The following SUSD5 variants were observed in gnomAD, a reference collection of about 807,000 sequenced individuals.
SUSD5 encodes sushi domain containing 5.
In SUSD5, 33 loss-of-function variants were observed where a neutral mutation model predicts 29.5. The observed-to-expected ratio is 1.12, with a 90% CI of 0.85 to 1.49. SUSD5 has a LOEUF of 1.49. Ranked by LOEUF, SUSD5 falls within the 40% of genes most tolerant of loss-of-function variation. The probability of loss-of-function intolerance (pLI) is 0.00; values close to 1 mark genes in which losing one functional copy is unlikely to be tolerated. For synonymous variants in SUSD5, 308 were observed against 325.3 expected, an observed-to-expected ratio of 0.95 and a Z score of 0.57; for missense variants, 776 against 800.6, an observed-to-expected ratio of 0.97 and a Z score of 0.37.
Position 33,152,943 on chromosome 3 carries a change from C to T in SUSD5, c.1689G>A (p.Val563=), listed in dbSNP as rs752750298. The T allele has an allele frequency of 6.2e-7, 1 of 1,614,010 alleles. No homozygotes were observed. The highest frequency in any genetic ancestry group is 8.5e-7 in the Non-Finnish European group (1 of 1,179,878). Residue 563 remains valine, a synonymous_variant, in exon 5 of 5, where the codon GTG becomes GTA. Coordinates refer to ENST00000309558, the MANE Select transcript of SUSD5 (RefSeq NM_015551.2). ...TGCTGAGGCCAGGACATCCGTCCCCCACACACGACTCCAAGGTGGGATGAA... is the reference window on the plus strand; with the variant it reads ...TGCTGAGGCCAGGACATCCGTCCCCTACACACGACTCCAAGGTGGGATGAA... ...EELHPTLESC[V]GDGCPGLSRG...
chr3:33,214,906 C>T (rs544109627), intron 1 of SUSD5, among the ~76,000 whole-genome samples: 1 of 152,164 alleles, frequency 6.6e-6, no homozygotes, highest in South Asian at 2.1e-4. Context: ...GGAGAAAACA[C>T]CTACTTAGAA....
In SUSD5 at chr3:33,207,833, G is replaced by A. The variant is rs368923559; in HGVS notation, c.384C>T (p.Tyr128=). 6.2e-7 allele frequency: 1 copy of A among 1,612,740 alleles called. No homozygotes were observed. Among genetic ancestry groups the A allele is most frequent in the African/African-American group, 1.3e-5 (1 of 74,910 alleles). ...IESNPVPGGT[Y]SALCIKDEEK... ...CTTCATCCTTAATACAAAGGGCACT[G>A]TATGTGCCACCAGGAACTGGGTTGC... Residue 128 remains tyrosine, a synonymous_variant, in exon 3 of 5, where the codon TAC becomes TAT. Coordinates refer to ENST00000309558, the MANE Select transcript of SUSD5 (RefSeq NM_015551.2).
Position 33,153,488 on chromosome 3 carries a change from T to A in SUSD5, c.1144A>T (p.Arg382Trp), listed in dbSNP as rs1261529505. 5.0e-6 allele frequency: 8 copies of A among 1,613,886 alleles called. No individual in the cohort carries two copies. Among genetic ancestry groups the A allele is most frequent in the Non-Finnish European group, 6.8e-6 (8 of 1,179,982 alleles). The change falls in exon 5 of 5, where the codon AGG (arginine) becomes TGG (tryptophan). Residue 382 changes from arginine (R) to tryptophan (W), a missense_variant. Coordinates refer to ENST00000309558, the MANE Select transcript of SUSD5 (RefSeq NM_015551.2). ...TCTTCCTCTTCTGCCTCTGTCTTCC[T>A]CCAAGCCCCCTCTGTCACAGGGTAG... ...DGYPVTEGAW[R>W]KTEAEEEEDG...
chr3:33,206,693 G>T (rs1416256194), intron 3 of SUSD5, among the ~76,000 whole-genome samples: 1 of 152,104 alleles, frequency 6.6e-6, no homozygotes, highest in Non-Finnish European at 1.5e-5. Flanking sequence ...CTGGAGATAA[G>T]GATTTGGTGC....
At chr3:33,168,533 A>G (rs1575530590) in intron 4 of SUSD5, 3 of 985,480 alleles carry the variant, frequency 3.0e-6, no homozygotes, top group Non-Finnish European at 3.6e-6. Flanking sequence ...GGGGACAGCT[A>G]GTTTGCAAGT....
intron 4 of SUSD5, among the ~76,000 whole-genome samples, chr3:33,155,875 GAGAGAAGGGGTGATGACTGGGT>G (rs1245864733): frequency 6.6e-6 from 1 of 152,188 alleles, no homozygotes; most frequent in African/African-American, 2.4e-5. Flanking sequence ...ACTTGGGTAG[GAGAGAAGGGGTGATGACTGGGT>G]ATGGTACAAA....
At chr3:33,215,701 A>G (rs2032417706) in intron 1 of SUSD5, among the ~76,000 whole-genome samples, 1 of 152,202 alleles carries the variant, frequency 6.6e-6, no homozygotes, top group African/African-American at 2.4e-5. Flanking sequence ...CCTCTCAATA[A>G]CAAAGCAATA....
chr3:33,202,834 G>C (rs868753155), intron 3 of SUSD5, among the ~76,000 whole-genome samples: 6 of 152,176 alleles, frequency 3.9e-5, no homozygotes, highest in African/African-American at 1.4e-4. Flanking sequence ...CTACATTCAC[G>C]ATGAACTTTA....
rs139553621 is a variant in SUSD5 at position 33,170,628 on chromosome 3, G to A, written c.598+4258C>T. Among the ~76,000 whole-genome samples, 18 of 152,292 alleles carry A rather than the reference G, an allele frequency of 1.2e-4. No homozygotes were observed. The East Asian group carries it at 1.3e-3, about 11-fold the overall frequency. On this transcript the variant is annotated intron_variant, in intron 4 of 4. Coordinates refer to ENST00000309558, the MANE Select transcript of SUSD5 (RefSeq NM_015551.2). The stretch of plus-strand genomic sequence containing the variant: ...ACCTTTTGCTACCCACCAGGTATGC[G>A]TGCCACACACTAGGAAGCTACCAGC...
chr3:33,209,947 T>A (rs12631091), intron 2 of SUSD5, among the ~76,000 whole-genome samples: 5,928 of 152,312 alleles, frequency 0.039, 331 homozygotes, highest in African/African-American at 0.13. Context: ...CTCCTTCTCA[T>A]CTTTTATATC....
chr3:33,187,461 C>A (rs2031800117), intron 3 of SUSD5, among the ~76,000 whole-genome samples: 1 of 152,196 alleles, frequency 6.6e-6, no homozygotes, highest in Admixed American at 6.5e-5. Context: ...TCCAGTACAA[C>A]AGTGCTATGC....
At position 33,200,916 on chromosome 3, in the gene SUSD5, G is replaced by C. The variant is rs142825354; in HGVS notation, c.409+6892C>G. ...ATCTCTAACCAAAGTTTGAAGGACT[G>C]GCCTGGCTCCTTTATTGTTGCTTAC... is the stretch of plus-strand genomic sequence containing the variant. On this transcript the variant is annotated intron_variant, in intron 3 of 4. Coordinates refer to ENST00000309558, the MANE Select transcript of SUSD5 (RefSeq NM_015551.2). 6.1e-4 allele frequency among the ~76,000 whole-genome samples: 93 copies of C among 152,244 alleles called. No individual in the cohort carries two copies. In the East Asian group the frequency reaches 0.015, roughly 25 times the overall value.
At chr3:33,186,381 C>T (rs1435364917) in intron 3 of SUSD5, among the ~76,000 whole-genome samples, 2 of 151,450 alleles carry the variant, frequency 1.3e-5, no homozygotes, top group African/African-American at 4.8e-5. Context: ...CTTTAAGCCA[C>T]CCTGACTGGC....
Position 33,215,826 on chromosome 3 carries a change from T to C in SUSD5, c.113-1721A>G, listed in dbSNP as rs144032918. ...TGTCAACTCAAGGGCCAAAAACTTA[T>C]GGAGAAACTAAAGTAGTTTAAGAGA... On this transcript the variant is annotated intron_variant, in intron 1 of 4. Transcript: ENST00000309558. Among the ~76,000 whole-genome samples, 64 of 152,278 alleles carry C rather than the reference T, an allele frequency of 4.2e-4. 1 individual carries two copies. The highest frequency in any genetic ancestry group is 1.4e-3 in the African/African-American group (59 of 41,566).
chr3:33,216,913 T>G (rs1285343482), intron 1 of SUSD5, among the ~76,000 whole-genome samples: 1 of 152,150 alleles, frequency 6.6e-6, no homozygotes, highest in East Asian at 1.9e-4. Flanking sequence ...TATAAGGAAG[T>G]ATACCTATAA....
At chr3:33,179,827 C>A (rs2031632796) in intron 3 of SUSD5, among the ~76,000 whole-genome samples, 1 of 152,108 alleles carries the variant, frequency 6.6e-6, no homozygotes, top group Admixed American at 6.5e-5. Context: ...TGCCACATAA[C>A]AACATTTTGG....
chr3:33,165,808 G>A (rs1181498864), intron 4 of SUSD5, among the ~76,000 whole-genome samples: 1 of 152,068 alleles, frequency 6.6e-6, no homozygotes, highest in Admixed American at 6.6e-5. Context: ...ATCAACAGTA[G>A]GCATTCATTC....
At chr3:33,175,142 G>C in intron 3 of SUSD5, 68 bp from the exon 4 acceptor site, 1 of 1,537,876 alleles carries the variant, frequency 6.5e-7, no homozygotes. Context: ...TGAGAAAACA[G>C]ACTTAAAACA....
intron 2 of SUSD5, among the ~76,000 whole-genome samples, chr3:33,213,691 T>A (rs2032367445): frequency 6.6e-6 from 1 of 152,062 alleles, no homozygotes; most frequent in South Asian, 2.1e-4. Context: ...GGAGAATTGC[T>A]TGAACCTGGG....
Sources: gnomAD v4.1 joint callset for allele counts (sites outside exome capture counted in the v4.1 genomes callset) on GRCh38, gnomAD v4.1.1 for gene constraint, MANE v1.5 for transcripts, NCBI Gene and HGNC (gene_info 2026-07-23, HGNC 2026-07-21) for gene names.